PITPNA: variants seen among roughly 807,000 people sequenced by gnomAD.
The protein encoded by PITPNA is phosphatidylinositol transfer protein alpha isoform.
Under a neutral mutation model 50.3 loss-of-function variants are expected in PITPNA, and 13 were observed. The ratio of observed to expected loss-of-function variants is 0.26; its 90% CI spans 0.17 to 0.41. The LOEUF (loss-of-function observed/expected upper bound fraction) is 0.41, where lower values mean the gene tolerates loss of function less well. Ranked by LOEUF, PITPNA falls within the 10% of genes least tolerant of loss-of-function variation. The probability of loss-of-function intolerance (pLI) is 1.00; values close to 1 mark genes in which losing one functional copy is unlikely to be tolerated. For missense variants in PITPNA, 207 were observed against 333.4 expected, an observed-to-expected ratio of 0.62 and a Z score of 2.95; for synonymous variants, 120 against 119.6, an observed-to-expected ratio of 1.00 and a Z score of -0.02.
At chr17:1,558,620 A>G in intron 1 of PITPNA, 61 bp from the exon 2 acceptor site, 2 of 1,185,154 alleles carry the variant, frequency 1.7e-6, no homozygotes, top group Non-Finnish European at 2.5e-6. Context: ...AAGGCTCTTT[A>G]AAGCATCATC....
At chr17:1,553,232 C>A in intron 2 of PITPNA, 83 bp from the exon 3 acceptor site, 4 of 1,455,260 alleles carry the variant, frequency 2.7e-6, no homozygotes, top group African/African-American at 1.4e-5. Flanking sequence ...AAGTGTCTAA[C>A]TGGATCTCCC....
chr17:1,545,143 C>CGG (rs2075666444), intron 4 of PITPNA, among the ~76,000 whole-genome samples: 2 of 152,208 alleles, frequency 1.3e-5, no homozygotes, highest in Non-Finnish European at 2.9e-5. Context: ...CAACTCCTAT[C>CGG]TTACCCTCTC....
chr17:1,547,629 A>G (rs750974222), intron 4 of PITPNA, among the ~76,000 whole-genome samples: 2 of 152,100 alleles, frequency 1.3e-5, no homozygotes, highest in Admixed American at 1.3e-4. Context: ...CAGCCTAGGC[A>G]ACAGAGCCAG....
rs368038991 is a variant in PITPNA, at chr17:1,524,235, G to A, written c.769-2590C>T. 5.1e-4 allele frequency among the ~76,000 whole-genome samples: 76 copies of A among 150,246 alleles called. No homozygotes were observed. In the East Asian group the frequency reaches 0.012, roughly 23 times the overall value. The stretch of plus-strand genomic sequence containing the variant: ...AATTTTTTGTGTTTTTAGTAGAGAC[G>A]GGGTTTCACCATGTTAGCCAGGATG... On this transcript the variant is annotated intron_variant, in intron 10 of 11. Transcript: ENST00000313486.
In PITPNA at chr17:1,557,547, C is replaced by T. The variant is rs148630391; in HGVS notation, c.51+982G>A. ...CAGAAGGAAGCAAAGAACAAGGCTG[C>T]GCCAGGAGAGGAGAGTGGAAGAAGT... On this transcript the variant is annotated intron_variant, in intron 2 of 11. Coordinates refer to ENST00000313486, the MANE Select transcript of PITPNA (RefSeq NM_006224.4). 4.4e-3 allele frequency among the ~76,000 whole-genome samples: 665 copies of T among 152,210 alleles called. 7 individuals carry two copies. The highest frequency in any genetic ancestry group is 0.015 in the African/African-American group (638 of 41,522).
Position 1,562,391 on chromosome 17 carries a change from C to T in PITPNA, c.20+150G>A. 1.9e-6 allele frequency: 1 copy of T among 519,076 alleles called. No individual in the cohort carries two copies. Among genetic ancestry groups the T allele is most frequent in the Non-Finnish European group, 2.9e-6 (1 of 345,202 alleles). The allele number at this position is 519,076 out of a possible 1,614,324, so 32.2% of individuals were successfully genotyped here. A position where few individuals can be genotyped will look rare whatever the true frequency, so the allele number is the denominator to read the frequency against. ...CCTCACGTGCCGCCCGCCCCGGATC[C>T]CCTCCATCCCCGCTGGGCCCGCCTC... On this transcript the variant is annotated intron_variant, in intron 1 of 11. Coordinates refer to ENST00000313486, the MANE Select transcript of PITPNA (RefSeq NM_006224.4). This position sits in a 1 kb window ranked among gnomAD's most constrained non-coding sequence, Gnocchi z 6.4.
At chr17:1,536,317 T>C (rs1286838533) in intron 7 of PITPNA, among the ~76,000 whole-genome samples, 1 of 149,364 alleles carries the variant, frequency 6.7e-6, no homozygotes, top group Non-Finnish European at 1.5e-5. Flanking sequence ...AGAGGGAGTC[T>C]CGCTCTGTTG....
chr17:1,537,801 T>G (rs1372217870), intron 7 of PITPNA, among the ~76,000 whole-genome samples: 4 of 151,210 alleles, frequency 2.6e-5, no homozygotes, highest in Admixed American at 6.6e-5. Context: ...CAAAATAACT[T>G]TGTGTGTGTG....
chr17:1,556,578 G>C (rs545423763), intron 2 of PITPNA, among the ~76,000 whole-genome samples: 1 of 151,970 alleles, frequency 6.6e-6, no homozygotes, highest in African/African-American at 2.4e-5. Context: ...CTCGCCCTTC[G>C]TTCCATCAAG....
In PITPNA at chr17:1,530,185, C is replaced by T. The variant is rs1221858660; in HGVS notation, c.768+3914G>A. Among the ~76,000 whole-genome samples, 4 of 151,990 alleles carry T rather than the reference C, an allele frequency of 2.6e-5. No homozygotes were observed. The East Asian group carries it at 7.7e-4, about 29-fold the overall frequency. On this transcript the variant is annotated intron_variant, in intron 10 of 11. Transcript: ENST00000313486. The stretch of plus-strand genomic sequence containing the variant: ...ACCATATTTGGGAGACAGTGAGTTC[C>T]CCATTACAGGCAGTAATCAAGCAAA...
chr17:1,552,337 T>C (rs1395429060), intron 3 of PITPNA, among the ~76,000 whole-genome samples: 2 of 152,252 alleles, frequency 1.3e-5, no homozygotes, highest in Admixed American at 1.3e-4. Flanking sequence ...CCACTCAAGC[T>C]GATGTATAAT....
intron 3 of PITPNA, among the ~76,000 whole-genome samples, chr17:1,551,297 T>C (rs113139545): frequency 2.6e-5 from 4 of 151,578 alleles, no homozygotes; most frequent in African/African-American, 7.3e-5. Context: ...TCTTTTTTTT[T>C]TTTTGTAAGA....
intron 10 of PITPNA, among the ~76,000 whole-genome samples, chr17:1,532,979 T>A (rs1278004090): frequency 6.6e-6 from 1 of 152,206 alleles, no homozygotes; most frequent in Admixed American, 6.5e-5. Flanking sequence ...TGGACCCAAT[T>A]TTCGCCCTAG....
rs572616692 is a variant in PITPNA, at chr17:1,518,873, A to C, written c.*1688T>G. Reference sequence around the variant, plus strand: ...CTTCTCCAACTTTCCAAGTCAGATAAATGCTACCAGCAGTTGAGATGCTAC... The same window carrying C: ...CTTCTCCAACTTTCCAAGTCAGATACATGCTACCAGCAGTTGAGATGCTAC... On this transcript the variant is annotated 3_prime_UTR_variant, in exon 12 of 12. Coordinates refer to ENST00000313486, the MANE Select transcript of PITPNA (RefSeq NM_006224.4). 7 of 152,350 alleles carry C rather than the reference A, an allele frequency of 4.6e-5. No individual in the cohort carries two copies. Among genetic ancestry groups the C allele is most frequent in the Admixed American group, 3.3e-4 (5 of 15,302 alleles). 9.4% of individuals were successfully genotyped at this position (152,350 alleles called of 1,614,324 possible). A position where few individuals can be genotyped will look rare whatever the true frequency, so the allele number is the denominator to read the frequency against.
In PITPNA at chr17:1,519,703, G is replaced by A. The variant is rs955694374; in HGVS notation, c.*858C>T. 6.5e-6 allele frequency: 1 copy of A among 152,672 alleles called. No homozygotes were observed. The highest frequency in any genetic ancestry group is 1.5e-5 in the Non-Finnish European group (1 of 68,100). The allele number at this position is 152,672 out of a possible 1,614,324, so 9.5% of individuals were successfully genotyped here. On this transcript the variant is annotated 3_prime_UTR_variant, in exon 12 of 12. Transcript: ENST00000313486. ...ACCAGCCCCAAAGGGAAGAGGAGGA[G>A]CAGGGACTTACAGAGCTCCTCGGGG...
At chr17:1,553,783 C>A (rs1598413397) in intron 2 of PITPNA, among the ~76,000 whole-genome samples, 1 of 152,190 alleles carries the variant, frequency 6.6e-6, no homozygotes, top group Non-Finnish European at 1.5e-5. Flanking sequence ...TATCGTAAAA[C>A]TGGCTCATCT....
At chr17:1,541,168 T>C (rs1442777927) in intron 6 of PITPNA, among the ~76,000 whole-genome samples, 5 of 152,346 alleles carry the variant, frequency 3.3e-5, no homozygotes, top group African/African-American at 7.2e-5. Context: ...GCAATGAGTC[T>C]CCTTGTATAT....
intron 10 of PITPNA, among the ~76,000 whole-genome samples, chr17:1,532,570 C>A (rs2075590647): frequency 6.6e-6 from 1 of 152,214 alleles, no homozygotes; most frequent in Non-Finnish European, 1.5e-5. Context: ...CGAACCCCAA[C>A]ATACGTCATG....
chr17:1,561,959 C>A lies in PITPNA; in HGVS notation c.20+582G>T, dbSNP rs2302461. 1.2e-4 allele frequency among the ~76,000 whole-genome samples: 19 copies of A among 152,284 alleles called. No homozygotes were observed. In the East Asian group the frequency reaches 2.5e-3, roughly 20 times the overall value. ...CCGGGAGGCCCTGCCTGCCCCGGTGCGCCTCTTCCTCGGCCGCCGCGGGGC... is the reference window on the plus strand; with the variant it reads ...CCGGGAGGCCCTGCCTGCCCCGGTGAGCCTCTTCCTCGGCCGCCGCGGGGC... On this transcript the variant is annotated intron_variant, in intron 1 of 11. Coordinates refer to ENST00000313486, the MANE Select transcript of PITPNA (RefSeq NM_006224.4).
Sources: allele counts gnomAD v4.1 joint callset (sites outside exome capture counted in the v4.1 genomes callset), GRCh38; gene constraint gnomAD v4.1.1; non-coding constraint Gnocchi (gnomAD v3.1); transcripts MANE v1.5; gene names NCBI Gene and HGNC (gene_info 2026-07-23, HGNC 2026-07-21).